The following KIF1A variants were observed in gnomAD, a reference collection of about 807,000 sequenced individuals.
The protein encoded by KIF1A is kinesin family member 1A.
KIF1A carries 46 observed loss-of-function variants against 227.3 expected under a neutral mutation model. That is an observed-to-expected ratio of 0.20 (90% CI 0.16 to 0.26). The LOEUF (loss-of-function observed/expected upper bound fraction) is 0.26. Among genes scored for constraint, KIF1A ranks in the 10% least tolerant of loss-of-function variants. KIF1A has a pLI of 1.00. For missense variants in KIF1A, 1,683 were observed against 2,485.9 expected (o/e 0.68, Z 6.87); for synonymous variants, 1,022 against 1,012.8 (o/e 1.01, Z -0.17).
intron 16 of KIF1A, among the ~76,000 whole-genome samples, 170 bp downstream of exon 16, chr2:240,769,457 A>AGGTG (rs2125939047): frequency 6.6e-6 from 1 of 152,320 alleles, no homozygotes; most frequent in Non-Finnish European, 1.5e-5. Flanking sequence ...GCAGTACACA[A>AGGTG]GGTGGGGGTC....
rs200583714 is a variant in KIF1A, at chr2:240,750,424, C to T, written c.2977+5G>A. On this transcript the variant is annotated splice_donor_5th_base_variant and intron_variant, in intron 28 of 48. Coordinates refer to ENST00000498729, the MANE Select transcript of KIF1A (RefSeq NM_001244008.2). ...TGCCACACACGGCCTTTGGCCCACA[C>T]GCACCTGAGATGGCCTGGACGGCCA... 8.4e-5 allele frequency: 135 copies of T among 1,608,386 alleles called. No homozygotes were observed. The highest frequency in any genetic ancestry group is 9.4e-5 in the Non-Finnish European group (111 of 1,175,256).
chr2:240,753,845 G>C (rs2049507881), intron 27 of KIF1A, among the ~76,000 whole-genome samples: 1 of 152,134 alleles, frequency 6.6e-6, no homozygotes, highest in South Asian at 2.1e-4. Context: ...AAGAGATTAA[G>C]GAAGTCACCA....
At position 240,787,231 on chromosome 2, in the gene KIF1A, C is replaced by T. The variant is rs373887823; in HGVS notation, c.429+20G>A. 64 of 1,605,102 alleles carry T rather than the reference C, an allele frequency of 4.0e-5. No homozygotes were observed. The highest frequency in any genetic ancestry group is 8.3e-5 in the Admixed American group (5 of 59,980). On this transcript the variant is annotated intron_variant, in intron 5 of 48. Transcript: ENST00000498729. ...TTCCCAGCCCTGCCCCAGCGGCCAA[C>T]GGCAGGCGGGGAGCCCTACCTCCAC...
At chr2:240,759,554 C>T (rs1251921093) in intron 25 of KIF1A, among the ~76,000 whole-genome samples, 5 of 152,160 alleles carry the variant, frequency 3.3e-5, no homozygotes, top group African/African-American at 1.2e-4. Context: ...CAGGCTGTGG[C>T]CTGGGCCTTC....
chr2:240,739,103 C>T lies in KIF1A; in HGVS notation c.3901+955G>A, dbSNP rs2047675600. 6.6e-6 allele frequency among the ~76,000 whole-genome samples: 1 copy of T among 152,188 alleles called. No individual in the cohort carries two copies. The highest frequency in any genetic ancestry group is 2.4e-5 in the African/African-American group (1 of 41,430). On this transcript the variant is annotated intron_variant, in intron 37 of 48. Coordinates refer to ENST00000498729, the MANE Select transcript of KIF1A (RefSeq NM_001244008.2). The surrounding 1 kb of genome is among the most constrained non-coding windows in gnomAD (Gnocchi z 5.6). ...AAACTTGTAAAACATAAGCATGTAT[C>T]CTGGTGTACCTGGAACCTCCTGTCT...
At chr2:240,718,225 C>T (rs1313767717) in intron 47 of KIF1A, 57 bp from the exon 48 acceptor site, 1 of 1,206,988 alleles carries the variant, frequency 8.3e-7, no homozygotes, top group Admixed American at 2.0e-5. Context: ...GCACACCACC[C>T]TCCTGCTCCC....
rs1049405697 is a variant in KIF1A, at chr2:240,752,466, C to T, written c.2859-1919G>A. 3.3e-5 allele frequency among the ~76,000 whole-genome samples: 5 copies of T among 152,058 alleles called. No homozygotes were observed. Among genetic ancestry groups the T allele is most frequent in the African/African-American group, 1.2e-4 (5 of 41,410 alleles). Reference sequence around the variant, plus strand: ...AATGCCTTCCCTCCCCAGGGCACCCCGGGCTCCTGGACAAGGGTCTCTGCT... The same window carrying T: ...AATGCCTTCCCTCCCCAGGGCACCCTGGGCTCCTGGACAAGGGTCTCTGCT... On this transcript the variant is annotated intron_variant, in intron 27 of 48. Coordinates refer to ENST00000498729, the MANE Select transcript of KIF1A (RefSeq NM_001244008.2). This position sits in a 1 kb window ranked among gnomAD's most constrained non-coding sequence, Gnocchi z 6.4.
chr2:240,754,510 C>T (rs774837867), intron 27 of KIF1A, among the ~76,000 whole-genome samples: 1 of 152,224 alleles, frequency 6.6e-6, no homozygotes, highest in Admixed American at 6.5e-5. Flanking sequence ...CTCCACTCTG[C>T]GAAGAGCCCA....
At position 240,775,772 on chromosome 2, in the gene KIF1A, C is replaced by A; in HGVS notation, c.958+79G>T. On this transcript the variant is annotated intron_variant, in intron 11 of 48. Coordinates refer to ENST00000498729, the MANE Select transcript of KIF1A (RefSeq NM_001244008.2). This position sits in a 1 kb window ranked among gnomAD's most constrained non-coding sequence, Gnocchi z 5.5. ...GGTGAGAGGCCTGCTGGCGACTGGG[C>A]ACCCCCTCAGTGGGGAAGAAGGGCA... 1 of 960,704 alleles carries A rather than the reference C, an allele frequency of 1.0e-6. No individual in the cohort carries two copies. Among genetic ancestry groups the A allele is most frequent in the Non-Finnish European group, 1.7e-6 (1 of 589,922 alleles). The allele number at this position is 960,704 out of a possible 1,614,324, so 59.5% of individuals were successfully genotyped here. A position where few individuals can be genotyped will look rare whatever the true frequency, so the allele number is the denominator to read the frequency against.
chr2:240,747,921 C>T (rs1333709935), intron 28 of KIF1A, among the ~76,000 whole-genome samples: 1 of 152,244 alleles, frequency 6.6e-6, no homozygotes, highest in Non-Finnish European at 1.5e-5. Flanking sequence ...GGAGTCAGTG[C>T]TGAGGGAACA....
At chr2:240,799,679 G>A (rs1015680437) in intron 1 of KIF1A, among the ~76,000 whole-genome samples, 1 of 152,204 alleles carries the variant, frequency 6.6e-6, no homozygotes, top group Non-Finnish European at 1.5e-5. Flanking sequence ...TTCCAGCCGG[G>A]ATGGAGAGAG....
At chr2:240,743,432 G>T (rs922635807) in intron 33 of KIF1A, among the ~76,000 whole-genome samples, 4 of 152,212 alleles carry the variant, frequency 2.6e-5, no homozygotes, top group African/African-American at 9.6e-5. Context: ...GCCCAGGGTA[G>T]ACACTCCTGT....
At position 240,725,887 on chromosome 2, in the gene KIF1A, T is replaced by C. The variant is rs115679985; in HGVS notation, c.4123-483A>G. 4,291 of 156,906 alleles carry C rather than the reference T, an allele frequency of 0.027. 211 individuals carry two copies. Among genetic ancestry groups the C allele is most frequent in the African/African-American group, 0.097 (4,050 of 41,600 alleles). 9.7% of individuals were successfully genotyped at this position (156,906 alleles called of 1,614,324 possible). On this transcript the variant is annotated intron_variant, in intron 39 of 48. Transcript: ENST00000498729. This position sits in a 1 kb window ranked among gnomAD's most constrained non-coding sequence, Gnocchi z 5.8. ...CTGAAGTGGGGGCAGCTGCTGTGCA[T>C]GGCTGAAGAGTCCCAAGCACTCGCT...
chr2:240,820,593 CA>C (rs1217144591), upstream of KIF1A, among the ~76,000 whole-genome samples: 2 of 151,286 alleles, frequency 1.3e-5, no homozygotes, highest in African/African-American at 4.9e-5. The surrounding 1 kb of genome is among the most constrained non-coding windows in gnomAD (Gnocchi z 6.2). Context: ...GGCCGTCCCC[CA>C]CCCTGGCCCC....
At chr2:240,808,646 C>A (rs2057621504) in intron 1 of KIF1A, among the ~76,000 whole-genome samples, 1 of 151,984 alleles carries the variant, frequency 6.6e-6, no homozygotes, top group Non-Finnish European at 1.5e-5. Context: ...GCACTCCAGG[C>A]TGGGCAACAG....
intron 20 of KIF1A, among the ~76,000 whole-genome samples, chr2:240,765,009 T>C (rs1322696932): frequency 1.3e-5 from 2 of 152,196 alleles, no homozygotes; most frequent in Non-Finnish European, 2.9e-5. Context: ...GATAAGCCAA[T>C]TCCTTGAAAT....
Position 240,786,398 on chromosome 2 carries a change from G to A in KIF1A, c.545C>T (p.Ser182Phe). Reference sequence around the variant, plus strand: ...ATTGTAGGAGGTGACAGCCAGCTTGGAGAGGTCCTCCACGTAGGGCCCCAG... The same window carrying A: ...ATTGTAGGAGGTGACAGCCAGCTTGAAGAGGTCCTCCACGTAGGGCCCCAG... The part of the protein sequence containing the change: ...PLLGPYVEDL[S>F]KLAVTSYNDI... The change falls in exon 6 of 49, where the codon TCC becomes TTC. Residue 182 changes from serine (S) to phenylalanine (F), a missense_variant. Physicochemically the swap from Ser to Phe is radical, Grantham distance 155 (BLOSUM62 -2). This residue lies in a region of KIF1A where 75 missense variants were observed against 131.2 expected (regional missense o/e 0.57). Coordinates refer to ENST00000498729, the MANE Select transcript of KIF1A (RefSeq NM_001244008.2). 1 of 1,613,694 alleles carries A rather than the reference G, an allele frequency of 6.2e-7. No individual in the cohort carries two copies. The highest frequency in any genetic ancestry group is 8.5e-7 in the Non-Finnish European group (1 of 1,179,782).
intron 9 of KIF1A, 45 bp from the exon 10 acceptor site, chr2:240,782,652 T>G (rs769411908): frequency 1.3e-6 from 2 of 1,548,550 alleles, no homozygotes; most frequent in African/African-American, 1.4e-5. Flanking sequence ...GGAGCGAAGC[T>G]GGCGCGGGCT....
At chr2:240,796,613 C>A (rs555252563) in intron 2 of KIF1A, among the ~76,000 whole-genome samples, 2 of 152,278 alleles carry the variant, frequency 1.3e-5, no homozygotes, top group Admixed American at 1.3e-4. Context: ...AGGATGCAAC[C>A]CTGAAGTACA....
Sources: gnomAD v4.1 joint callset for allele counts (sites outside exome capture counted in the v4.1 genomes callset) on GRCh38, gnomAD v4.1.1 for gene constraint, gnomAD v4.1.1 regional missense constraint, Gnocchi (gnomAD v3.1) non-coding constraint, MANE v1.5 for transcripts, NCBI Gene and HGNC (gene_info 2026-07-23, HGNC 2026-07-21) for gene names.